Variants in UHRF2 observed in about 807,000 individuals in gnomAD.
UHRF2 encodes the protein ubiquitin like with PHD and ring finger domains 2.
Under a neutral mutation model 96.8 loss-of-function variants are expected in UHRF2, and 23 were observed. The ratio of observed to expected loss-of-function variants is 0.24; its 90% CI spans 0.17 to 0.34. The LOEUF (loss-of-function observed/expected upper bound fraction) is 0.34, where lower values mean the gene tolerates loss of function less well. Ranked by LOEUF, UHRF2 falls within the 10% of genes least tolerant of loss-of-function variation. The pLI, the probability that UHRF2 is intolerant of heterozygous loss-of-function variation, is 1.00. For missense variants in UHRF2, 685 were observed against 981.5 expected (o/e 0.70, Z 4.04); for synonymous variants, 385 against 332.6 (o/e 1.16, Z -1.72).
intron 4 of UHRF2, among the ~76,000 whole-genome samples, chr9:6,469,980 G>C (rs1823142532): frequency 6.6e-6 from 1 of 152,026 alleles, no homozygotes. Context: ...AAACAAGAAT[G>C]CTAAAAACTA....
At chr9:6,448,266 G>A (rs1302290719) in intron 3 of UHRF2, among the ~76,000 whole-genome samples, 2 of 152,068 alleles carry the variant, frequency 1.3e-5, no homozygotes, top group Non-Finnish European at 2.9e-5. Context: ...ACCAAAAAGA[G>A]CAACCAAATA....
intron 8 of UHRF2, among the ~76,000 whole-genome samples, chr9:6,485,335 C>G (rs1308244037): frequency 6.6e-6 from 1 of 151,342 alleles, no homozygotes; most frequent in African/African-American, 2.4e-5. Flanking sequence ...TTTTCGTATA[C>G]CTGTCTGTCA....
At chr9:6,464,814 A>C (rs187138206) in intron 4 of UHRF2, among the ~76,000 whole-genome samples, 2 of 152,208 alleles carry the variant, frequency 1.3e-5, no homozygotes, top group Non-Finnish European at 2.9e-5. Context: ...ACAACAGAGC[A>C]CATGATCCTG....
intron 3 of UHRF2, among the ~76,000 whole-genome samples, chr9:6,436,706 C>G (rs1225190968): frequency 6.6e-6 from 1 of 152,140 alleles, no homozygotes; most frequent in African/African-American, 2.4e-5. Context: ...TGGATAGGAC[C>G]TACCCTTCAG....
At chr9:6,455,465 C>T (rs543856021) in intron 3 of UHRF2, among the ~76,000 whole-genome samples, 4 of 152,158 alleles carry the variant, frequency 2.6e-5, no homozygotes, top group South Asian at 2.1e-4. Flanking sequence ...AAAGGACATG[C>T]ACTTATCCTT....
intron 15 of UHRF2, among the ~76,000 whole-genome samples, chr9:6,505,285 G>A (rs983720284): frequency 6.6e-6 from 1 of 151,668 alleles, no homozygotes; most frequent in African/African-American, 2.4e-5. Flanking sequence ...ATATATGCGT[G>A]TGTGTGTGTG....
intron 9 of UHRF2, among the ~76,000 whole-genome samples, chr9:6,490,894 A>G (rs1427057914): frequency 1.3e-5 from 2 of 152,214 alleles, no homozygotes; most frequent in East Asian, 3.8e-4. Flanking sequence ...TTTCTATTGT[A>G]GGCAAGTATA....
intron 4 of UHRF2, among the ~76,000 whole-genome samples, chr9:6,461,354 C>T (rs978256175): frequency 2.5e-5 from 2 of 81,006 alleles, no homozygotes; most frequent in African/African-American, 5.4e-5. Context: ...TCTCTCTCTC[C>T]CCCCCCTCCT....
At chr9:6,429,034 G>A (rs1201340990) in intron 2 of UHRF2, among the ~76,000 whole-genome samples, 2 of 152,088 alleles carry the variant, frequency 1.3e-5, no homozygotes, top group Non-Finnish European at 2.9e-5. Flanking sequence ...CTATGGTGGT[G>A]GATACCTGTA....
chr9:6,482,157 T>C (rs1295540673), intron 8 of UHRF2, 58 bp downstream of exon 8: 5 of 1,325,350 alleles, frequency 3.8e-6, no homozygotes, highest in Non-Finnish European at 4.3e-6. Flanking sequence ...ATTATAGCAA[T>C]GTTAATGTCT....
intron 1 of UHRF2, among the ~76,000 whole-genome samples, chr9:6,417,579 A>G (rs918547948): frequency 6.6e-6 from 1 of 152,230 alleles, no homozygotes; most frequent in Admixed American, 6.5e-5. Context: ...TTTGTGGAAT[A>G]AAGTTGTGTG....
chr9:6,428,084 T>C (rs1244567881), intron 2 of UHRF2, among the ~76,000 whole-genome samples: 2 of 152,372 alleles, frequency 1.3e-5, no homozygotes, highest in South Asian at 2.1e-4. Context: ...CTTTACAGTT[T>C]AGCTGAGCAT....
intron 1 of UHRF2, among the ~76,000 whole-genome samples, chr9:6,419,529 A>G (rs1253254831): frequency 6.6e-6 from 1 of 152,104 alleles, no homozygotes; most frequent in Non-Finnish European, 1.5e-5. Context: ...AACATATTTG[A>G]CTTAATGTGT....
At chr9:6,432,981 C>G (rs1820642053) in intron 2 of UHRF2, among the ~76,000 whole-genome samples, 1 of 152,010 alleles carries the variant, frequency 6.6e-6, no homozygotes, top group African/African-American at 2.4e-5. Flanking sequence ...GCTGGGATTA[C>G]AAGCATGCTC....
At chr9:6,450,984 G>A (rs1251880415) in intron 3 of UHRF2, among the ~76,000 whole-genome samples, 2 of 152,174 alleles carry the variant, frequency 1.3e-5, no homozygotes, top group Non-Finnish European at 2.9e-5. Flanking sequence ...TATACCATGG[G>A]TGAATATTGA....
chr9:6,495,098 A>G (rs1298807164), intron 10 of UHRF2: 1 of 152,214 alleles, frequency 6.6e-6, no homozygotes, highest in Non-Finnish European at 1.5e-5. Flanking sequence ...GACTCTTTCA[A>G]GTTGTCAAAT....
At chr9:6,434,276 T>G in intron 3 of UHRF2, 103 bp downstream of exon 3, 1 of 1,373,700 alleles carries the variant, frequency 7.3e-7, no homozygotes, top group Non-Finnish European at 9.7e-7. Flanking sequence ...AAGAAATCCT[T>G]TAGAGGTTAT....
intron 4 of UHRF2, among the ~76,000 whole-genome samples, chr9:6,464,898 T>C (rs1255377846): frequency 6.6e-6 from 1 of 152,198 alleles, no homozygotes; most frequent in Non-Finnish European, 1.5e-5. Context: ...TCATCTTTTC[T>C]CTTTCTGGTA....
intron 3 of UHRF2, among the ~76,000 whole-genome samples, chr9:6,459,376 C>T (rs1435554150): frequency 6.6e-6 from 1 of 152,086 alleles, no homozygotes; most frequent in African/African-American, 2.4e-5. Flanking sequence ...CCTGTTAAAA[C>T]TTAAACTTGG....
Sources: allele counts gnomAD v4.1 joint callset (sites outside exome capture counted in the v4.1 genomes callset), GRCh38; gene constraint gnomAD v4.1.1; transcripts MANE v1.5; gene names NCBI Gene and HGNC (gene_info 2026-07-23, HGNC 2026-07-21).